SRCAP: variants seen among roughly 807,000 people sequenced by gnomAD.
The protein encoded by SRCAP is chromatin remodeling protein SRCAP.
Under a neutral mutation model 263.1 loss-of-function variants are expected in SRCAP, and 46 were observed. That is an observed-to-expected ratio of 0.17 (90% CI 0.14 to 0.22). The LOEUF (loss-of-function observed/expected upper bound fraction) is 0.22, where lower values mean the gene tolerates loss of function less well. SRCAP is among the 10% of genes least tolerant of loss of function. SRCAP has a pLI of 1.00. For synonymous variants in SRCAP, 1,813 were observed against 1,662.1 expected, an observed-to-expected ratio of 1.09 and a Z score of -2.21; for missense variants, 3,695 against 4,181.9, an observed-to-expected ratio of 0.88 and a Z score of 3.21.
Position 30,738,191 on chromosome 16 carries a change from C to T in SRCAP, c.8151C>T (p.Ala2717=). Residue 2717 remains alanine (A), a synonymous_variant, in exon 34 of 34, where the codon GCC becomes GCT. Coordinates refer to ENST00000262518, the MANE Select transcript of SRCAP (RefSeq NM_006662.3). The part of the protein sequence containing the change: ...ATSSPEGPSP[A]RPPRRRTSAD... ...CCTCGCCTGAGGGTCCTTCACCTGC[C>T]CGACCTCCTCGGCGTCGCACCAGTG... is the stretch of plus-strand genomic sequence containing the variant. The T allele has an allele frequency of 6.2e-7, 1 of 1,614,194 alleles. No homozygotes were observed. The highest frequency in any genetic ancestry group is 8.5e-7 in the Non-Finnish European group (1 of 1,180,046).
intron 25 of SRCAP, among the ~76,000 whole-genome samples, chr16:30,728,141 C>T (rs546383137): frequency 6.6e-6 from 1 of 152,280 alleles, no homozygotes; most frequent in Admixed American, 6.5e-5. Context: ...AGATTTGGAA[C>T]ACTCCTCTTT....
In SRCAP at chr16:30,737,468, T is replaced by G. The variant is rs775221581; in HGVS notation, c.7428T>G (p.Ile2476Met). ...VPISAPNPIT[I>M]LPVHILPSPP... ...TTTCAGCCCCAAATCCAATAACCAT[T>G]CTCCCTGTCCATATCTTGCCTTCTC... Residue 2476 changes from isoleucine (I) to methionine (M), a missense_variant, in exon 34 of 34, where the codon ATT becomes ATG. By Grantham distance (10) the Ile-to-Met change is conservative. This residue lies in a region of SRCAP where 1,207 missense variants were observed against 1,142.9 expected (regional missense o/e 1.06). Transcript: ENST00000262518. 39 of 1,591,200 alleles carry G rather than the reference T, an allele frequency of 2.5e-5. No individual in the cohort carries two copies. Among genetic ancestry groups the G allele is most frequent in the Non-Finnish European group, 3.3e-5 (38 of 1,164,222 alleles).
At chr16:30,716,019 C>T (rs369708130) in intron 16 of SRCAP, 47 bp from the exon 17 acceptor site, 75 of 1,611,178 alleles carry the variant, frequency 4.7e-5, no homozygotes, top group South Asian at 3.4e-4. Context: ...GGCTGGGGCT[C>T]GGTGCCTGAG....
chr16:30,733,152 G>C lies in SRCAP; in HGVS notation c.6128-128G>C. The C allele has an allele frequency of 4.6e-6, 5 of 1,085,648 alleles. No individual in the cohort carries two copies. Among genetic ancestry groups the C allele is most frequent in the South Asian group, 3.0e-5 (2 of 66,140 alleles). The allele number at this position is 1,085,648 out of a possible 1,614,324, so 67.3% of individuals were successfully genotyped here. A position where few individuals can be genotyped will look rare whatever the true frequency, so the allele number is the denominator to read the frequency against. On this transcript the variant is annotated intron_variant, in intron 27 of 33. Coordinates refer to ENST00000262518, the MANE Select transcript of SRCAP (RefSeq NM_006662.3). The surrounding 1 kb of genome is among the most constrained non-coding windows in gnomAD (Gnocchi z 5.3). ...TGCCCTGCCGTAGTTAAACATTTTT[G>C]ATCTGCTAGGCTAATTGAAACTTTG... is the stretch of plus-strand genomic sequence containing the variant.
chr16:30,714,064 ATTTT>A (rs528435570), intron 16 of SRCAP, among the ~76,000 whole-genome samples: 2 of 123,152 alleles, frequency 1.6e-5, no homozygotes, highest in Non-Finnish European at 1.7e-5. Context: ...AGCCTGGCTA[ATTTT>A]TTTTTTTTTT....
At chr16:30,711,546 C>G (rs750892954) in intron 10 of SRCAP, 25 bp from the exon 11 acceptor site, 1 of 1,561,956 alleles carries the variant, frequency 6.4e-7, no homozygotes, top group African/African-American at 1.4e-5. Flanking sequence ...TCAGAGCAAC[C>G]AAAAGCTTTT....
intron 25 of SRCAP, chr16:30,725,331 T>G (rs1012338410): frequency 1.0e-5 from 6 of 599,920 alleles, no homozygotes; most frequent in Non-Finnish European, 1.6e-5. Flanking sequence ...TCTTTTCCCG[T>G]TTTTTAACCC....
intron 8 of SRCAP, chr16:30,710,387 C>G: frequency 1.6e-6 from 1 of 620,680 alleles, no homozygotes; most frequent in Non-Finnish European, 2.9e-6. Flanking sequence ...AAAGTACTTC[C>G]TCTGACCGTT....
In SRCAP at chr16:30,713,385, T is replaced by C; in HGVS notation, c.2300+8T>C. On this transcript the variant is annotated splice_region_variant and intron_variant, in intron 15 of 33. Transcript: ENST00000262518. ...ACTCCTCAACTTCAACAGGTGGAGA[T>C]GGAGATGGGGATTCATGGGAGGGTT... 6.2e-7 allele frequency: 1 copy of C among 1,613,994 alleles called. No individual in the cohort carries two copies. Among genetic ancestry groups the C allele is most frequent in the Non-Finnish European group, 8.5e-7 (1 of 1,179,946 alleles).
rs756687509 is a variant in SRCAP, at chr16:30,710,821, A to G, written c.1202A>G (p.Glu401Gly). Residue 401 changes from glutamate (E) to glycine (G), a missense_variant, in exon 9 of 34, where the codon GAA (glutamate) becomes GGA (glycine). Transcript: ENST00000262518. ...CCTTGGCATCCAGATGAAGATGATGAAGAGTTTACTGCCAACGAAGAGGAA... is the reference window on the plus strand; with the variant it reads ...CCTTGGCATCCAGATGAAGATGATGGAGAGTTTACTGCCAACGAAGAGGAA... ...KQPWHPDEDD[E>G]EFTANEEEAE... 1.9e-6 allele frequency: 3 copies of G among 1,614,208 alleles called. No individual in the cohort carries two copies.
At chr16:30,725,136 G>T in intron 25 of SRCAP, 54 bp downstream of exon 25, 3 of 1,550,526 alleles carry the variant, frequency 1.9e-6, no homozygotes, top group Non-Finnish European at 2.6e-6. Flanking sequence ...TTGGAGTGTT[G>T]GTAGGGTGGA....
rs758735286 is a variant in SRCAP at position 30,738,303 on chromosome 16, G to T, written c.8263G>T (p.Val2755Leu). 11 of 1,596,980 alleles carry T rather than the reference G, an allele frequency of 6.9e-6. No individual in the cohort carries two copies. Among genetic ancestry groups the T allele is most frequent in the Middle Eastern group, 1.7e-4 (1 of 5,942 alleles). The change falls in exon 34 of 34, where the codon GTA becomes TTA. Residue 2755 changes from valine (V) to leucine (L), a missense_variant. This residue lies in a region of SRCAP where 1,207 missense variants were observed against 1,142.9 expected (regional missense o/e 1.06). Coordinates refer to ENST00000262518, the MANE Select transcript of SRCAP (RefSeq NM_006662.3). Reference sequence around the variant, plus strand: ...GCTTCGAAAGCTGCCAGGACGGCTGGTAACTGTGGTAGAGGAAAAGGAACT... The same window carrying T: ...GCTTCGAAAGCTGCCAGGACGGCTGTTAACTGTGGTAGAGGAAAAGGAACT... The part of the protein sequence containing the change: ...KVLRKLPGRL[V>L]TVVEEKELVR...
rs1339172713 is a variant in SRCAP, at chr16:30,736,323, G to T, written c.6853G>T (p.Ala2285Ser). ...DGFPAGEGEE[A>S]GRPGAEDEEM... ...GTTTCCTGCTGGTGAGGGAGAGGAA[G>T]CTGGCCGGCCTGGGGCTGAGGATGA... Residue 2285 changes from alanine (A) to serine (S), a missense_variant, in exon 32 of 34, where the codon GCT (alanine) becomes TCT (serine). Ala to Ser is a moderately conservative substitution (Grantham distance 99, BLOSUM62 1). This residue lies in a region of SRCAP where 91 missense variants were observed against 150.6 expected (regional missense o/e 0.60). Coordinates refer to ENST00000262518, the MANE Select transcript of SRCAP (RefSeq NM_006662.3). 6.2e-7 allele frequency: 1 copy of T among 1,614,028 alleles called. No homozygotes were observed. Among genetic ancestry groups the T allele is most frequent in the Non-Finnish European group, 8.5e-7 (1 of 1,180,020 alleles).
At chr16:30,708,212 A>G (rs967916925) in intron 6 of SRCAP, among the ~76,000 whole-genome samples, 2 of 151,794 alleles carry the variant, frequency 1.3e-5, no homozygotes, top group Non-Finnish European at 2.9e-5. Context: ...ACAGCCACCT[A>G]TTTTTTAATT....
intron 31 of SRCAP, 135 bp downstream of exon 31, chr16:30,734,750 T>C (rs993567480): frequency 2.2e-6 from 3 of 1,354,482 alleles, no homozygotes. Context: ...CCTTTGATAG[T>C]TGTAAGCACA....
At position 30,738,721 on chromosome 16, in the gene SRCAP, C is replaced by T. The variant is rs1203480053; in HGVS notation, c.8681C>T (p.Pro2894Leu). 1.2e-6 allele frequency: 2 copies of T among 1,614,120 alleles called. No individual in the cohort carries two copies. The highest frequency in any genetic ancestry group is 2.2e-5 in the East Asian group (1 of 44,876). The change falls in exon 34 of 34, where the codon CCA becomes CTA. Residue 2894 changes from proline (P) to leucine (L), a missense_variant. Physicochemically the swap from Pro to Leu is moderately conservative, Grantham distance 98 (BLOSUM62 -3). Coordinates refer to ENST00000262518, the MANE Select transcript of SRCAP (RefSeq NM_006662.3). ...TLKGKTNGAD[P>L]VPGPETLIVA... ...AAGGGAAAAACCAATGGGGCTGACC[C>T]AGTCCCTGGGCCTGAGACCCTAATT... is the stretch of plus-strand genomic sequence containing the variant.
intron 2 of SRCAP, among the ~76,000 whole-genome samples, 173 bp from the exon 3 acceptor site, chr16:30,700,443 G>C (rs1755975955): frequency 6.6e-6 from 1 of 152,208 alleles, no homozygotes; most frequent in African/African-American, 2.4e-5. Context: ...GAGGATTATA[G>C]AACACATCAA....
chr16:30,710,344 A>G (rs369933437), intron 8 of SRCAP, among the ~76,000 whole-genome samples: 1 of 152,130 alleles, frequency 6.6e-6, no homozygotes, highest in Non-Finnish European at 1.5e-5. Context: ...AGCGTATTGC[A>G]CTTTCCTCTT....
chr16:30,737,266 C>A lies in SRCAP; in HGVS notation c.7226C>A (p.Ala2409Glu), dbSNP rs1271696925. 1 of 1,613,950 alleles carries A rather than the reference C, an allele frequency of 6.2e-7. No homozygotes were observed. Among genetic ancestry groups the A allele is most frequent in the Non-Finnish European group, 8.5e-7 (1 of 1,180,022 alleles). ...GGAGCCCGGGCTGAGACTCAAGGGG[C>A]AAACCACACTCCTGTCATATCCGCC... ...LRGARAETQG[A>E]NHTPVISAHQ... Residue 2409 changes from alanine (A) to glutamate (E), a missense_variant, in exon 34 of 34, where the codon GCA becomes GAA. Transcript: ENST00000262518.
Sources: gnomAD v4.1 joint callset for allele counts (sites outside exome capture counted in the v4.1 genomes callset) on GRCh38, gnomAD v4.1.1 for gene constraint, gnomAD v4.1.1 regional missense constraint, Gnocchi (gnomAD v3.1) non-coding constraint, MANE v1.5 for transcripts, NCBI Gene and HGNC (gene_info 2026-07-23, HGNC 2026-07-21) for gene names.